LRRC37A2: variants seen among roughly 807,000 people sequenced by gnomAD.
LRRC37A2 encodes leucine-rich repeat-containing protein 37A2.
LRRC37A2 carries 9 observed loss-of-function variants against 68.8 expected under a neutral mutation model. The ratio of observed to expected loss-of-function variants is 0.13; its 90% CI spans 0.08 to 0.23. The LOEUF is 0.23. Among genes scored for constraint, LRRC37A2 ranks in the 10% least tolerant of loss-of-function variants. The pLI is 1.00. For missense variants in LRRC37A2, 168 were observed against 950.4 expected, an observed-to-expected ratio of 0.18 and a Z score of 10.82; for synonymous variants, 63 against 367.6, an observed-to-expected ratio of 0.17 and a Z score of 9.48.
the LRRC37A2 span, among the ~76,000 whole-genome samples, chr17:46,605,702 A>G: frequency 1.4e-5 from 1 of 73,048 alleles, no homozygotes; most frequent in African/African-American, 6.2e-5. Flanking sequence ...ATTCAGATCA[A>G]TTTCCTGAAG....
At chr17:46,882,608 T>C in the LRRC37A2 span, among the ~76,000 whole-genome samples, 11 of 152,112 alleles carry the variant, frequency 7.2e-5, no homozygotes. Context: ...GGGGACATTC[T>C]GGAGGGAGAG....
the LRRC37A2 span, among the ~76,000 whole-genome samples, chr17:46,902,732 G>A: frequency 6.6e-6 from 1 of 152,118 alleles, no homozygotes; most frequent in Non-Finnish European, 1.5e-5. Flanking sequence ...CACAGATACC[G>A]TGAGTAGCCA....
chr17:46,803,828 G>A, the LRRC37A2 span, among the ~76,000 whole-genome samples: 16 of 152,326 alleles, frequency 1.1e-4, no homozygotes, highest in South Asian at 3.1e-3. Flanking sequence ...TGCAGAGCCC[G>A]GAAGCAGGCT....
chr17:46,711,244 A>G, the LRRC37A2 span: 1 of 892,758 alleles, frequency 1.1e-6, no homozygotes, highest in Non-Finnish European at 1.6e-6. Flanking sequence ...TTGATCTGAA[A>G]ATAGTAATCC....
At chr17:46,881,048 A>G in the LRRC37A2 span, among the ~76,000 whole-genome samples, 4 of 152,246 alleles carry the variant, frequency 2.6e-5, no homozygotes, top group African/African-American at 9.6e-5. Context: ...TTCTGGCCAC[A>G]GTTCCTTCCC....
chr17:46,773,843 T>A, the LRRC37A2 span: 10 of 1,613,006 alleles, frequency 6.2e-6, no homozygotes, highest in African/African-American at 1.2e-4. Flanking sequence ...GGACCAGGCC[T>A]GGGATGGAGC....
At chr17:46,737,719 C>T in the LRRC37A2 span, among the ~76,000 whole-genome samples, 4 of 151,762 alleles carry the variant, frequency 2.6e-5, no homozygotes, top group African/African-American at 7.3e-5. Context: ...TCCAGTGGAA[C>T]ATAAAGGAAA....
chr17:47,047,513 C>T, the LRRC37A2 span, among the ~76,000 whole-genome samples: 1 of 149,162 alleles, frequency 6.7e-6, no homozygotes, highest in Middle Eastern at 3.4e-3. Flanking sequence ...AATGGGAAGG[C>T]TAGAGAATAA....
chr17:46,813,077 G>A, the LRRC37A2 span, among the ~76,000 whole-genome samples: 1 of 152,216 alleles, frequency 6.6e-6, no homozygotes, highest in Non-Finnish European at 1.5e-5. Context: ...AGTGCAAGCA[G>A]GTTGGCTTGG....
chr17:46,966,986 C>T, the LRRC37A2 span: 18 of 288,262 alleles, frequency 6.2e-5, no homozygotes, highest in African/African-American at 3.2e-4. Context: ...GATTAAATGT[C>T]TTTGATTTCT....
chr17:46,929,678 A>G, the LRRC37A2 span: 4 of 749,392 alleles, frequency 5.3e-6, no homozygotes, highest in Non-Finnish European at 9.8e-6. Context: ...TGGGGGCTTA[A>G]TGATTCAGCG....
the LRRC37A2 span, among the ~76,000 whole-genome samples, chr17:46,723,762 C>G: frequency 6.6e-6 from 1 of 152,192 alleles, no homozygotes; most frequent in Non-Finnish European, 1.5e-5. Context: ...TGTCCACTTA[C>G]CAGCACACCC....
chr17:46,691,519 C>G, the LRRC37A2 span, among the ~76,000 whole-genome samples: 1 of 144,744 alleles, frequency 6.9e-6, no homozygotes, highest in Non-Finnish European at 1.5e-5. Context: ...CACTTGAACC[C>G]GGGAGGCAGA....
At chr17:46,770,154 T>C in the LRRC37A2 span, 1 of 1,407,218 alleles carries the variant, frequency 7.1e-7, no homozygotes. Flanking sequence ...CCAGGAAGAG[T>C]TGAAGAGCTC....
chr17:46,734,641 T>C, the LRRC37A2 span, among the ~76,000 whole-genome samples: 61 of 152,262 alleles, frequency 4.0e-4, no homozygotes, highest in Admixed American at 3.9e-3. Flanking sequence ...GAATGTATAG[T>C]GATCAACTAA....
chr17:46,951,723 C>T, the LRRC37A2 span, among the ~76,000 whole-genome samples: 5 of 152,244 alleles, frequency 3.3e-5, no homozygotes, highest in East Asian at 9.7e-4. Context: ...GATAGTGACA[C>T]AAGAGGAAAA....
the LRRC37A2 span, among the ~76,000 whole-genome samples, chr17:46,479,645 C>A: frequency 9.9e-6 from 1 of 100,984 alleles, no homozygotes. Flanking sequence ...GTAGCTGGGA[C>A]TACAGGCATG....
chr17:46,794,873 T>C, the LRRC37A2 span, among the ~76,000 whole-genome samples: 1 of 151,710 alleles, frequency 6.6e-6, no homozygotes, highest in Non-Finnish European at 1.5e-5. Context: ...GCCTCAGCCT[T>C]CCGAGTAGCT....
the LRRC37A2 span, among the ~76,000 whole-genome samples, chr17:46,974,223 G>A: frequency 2.0e-5 from 3 of 152,256 alleles, no homozygotes; most frequent in South Asian, 4.1e-4. Flanking sequence ...GCAAGTGCCA[G>A]GGTTTCTGGG....
Sources: gnomAD v4.1 joint callset for allele counts (sites outside exome capture counted in the v4.1 genomes callset) on GRCh38, gnomAD v4.1.1 for gene constraint, MANE v1.5 for transcripts, NCBI Gene and HGNC (gene_info 2026-07-23, HGNC 2026-07-21) for gene names.